The following CPNE8 variants were observed in gnomAD, a reference collection of about 807,000 sequenced individuals.
CPNE8 encodes copine 8, also known as copine-8.
In CPNE8, 45 loss-of-function variants were observed where a neutral mutation model predicts 81.5. The observed-to-expected ratio is 0.55, with a 90% CI of 0.44 to 0.71. The LOEUF is 0.71. Ranked by LOEUF, CPNE8 falls within the 30% of genes least tolerant of loss-of-function variation. The probability of loss-of-function intolerance (pLI) is 0.00; values close to 1 mark genes in which losing one functional copy is unlikely to be tolerated. For synonymous variants in CPNE8, 252 were observed against 226.3 expected (o/e 1.11, Z -1.02); for missense variants, 594 against 672.1 (o/e 0.88, Z 1.28).
At chr12:38,797,796 T>C (rs1254531007) in intron 6 of CPNE8, among the ~76,000 whole-genome samples, 2 of 151,926 alleles carry the variant, frequency 1.3e-5, no homozygotes, top group Non-Finnish European at 2.9e-5. Context: ...AGTTAAAAAC[T>C]TTGAAAAAAA....
chr12:38,657,981 C>T (rs2730946), intron 19 of CPNE8, among the ~76,000 whole-genome samples: 14,819 of 152,074 alleles, frequency 0.097, 909 homozygotes, highest in East Asian at 0.24. Flanking sequence ...AAAACCAGAG[C>T]GCCACTTCTC....
At chr12:38,876,091 T>C (rs1944062084) in intron 1 of CPNE8, among the ~76,000 whole-genome samples, 1 of 152,188 alleles carries the variant, frequency 6.6e-6, no homozygotes, top group South Asian at 2.1e-4. Context: ...TCAAAAACTA[T>C]GCTATGTACG....
chr12:38,772,946 T>C (rs11503905), intron 7 of CPNE8, among the ~76,000 whole-genome samples: 25 of 132,720 alleles, frequency 1.9e-4, no homozygotes, highest in East Asian at 1.3e-3. Context: ...CACACACACA[T>C]ATATATGTAA....
chr12:38,682,611 A>G (rs188136986), intron 16 of CPNE8, among the ~76,000 whole-genome samples: 21 of 152,342 alleles, frequency 1.4e-4, no homozygotes, highest in Non-Finnish European at 2.9e-4. Flanking sequence ...ATATCTCAGT[A>G]TATCCAAAGT....
At chr12:38,749,449 C>T (rs1941306129) in intron 10 of CPNE8, among the ~76,000 whole-genome samples, 1 of 152,102 alleles carries the variant, frequency 6.6e-6, no homozygotes, top group African/African-American at 2.4e-5. Flanking sequence ...GGGTGACAGG[C>T]AGAGGCTGGA....
intron 1 of CPNE8, among the ~76,000 whole-genome samples, chr12:38,881,024 C>A (rs1284182336): frequency 2.0e-5 from 3 of 151,844 alleles, no homozygotes; most frequent in Non-Finnish European, 4.4e-5. Flanking sequence ...TCCTAGCTAA[C>A]ACGGTGAAAC....
chr12:38,668,674 C>G (rs994885487), intron 19 of CPNE8, among the ~76,000 whole-genome samples: 1 of 152,056 alleles, frequency 6.6e-6, no homozygotes, highest in African/African-American at 2.4e-5. Flanking sequence ...TTCTAGAGAG[C>G]TTTTAAATAA....
At chr12:38,795,931 G>T (rs894246508) in intron 6 of CPNE8, among the ~76,000 whole-genome samples, 2 of 142,954 alleles carry the variant, frequency 1.4e-5, no homozygotes, top group African/African-American at 5.1e-5. Flanking sequence ...ACCAGTTGAG[G>T]TTATTCTGAG....
chr12:38,700,660 T>C (rs1167716656), intron 14 of CPNE8, among the ~76,000 whole-genome samples: 1 of 152,148 alleles, frequency 6.6e-6, no homozygotes, highest in Admixed American at 6.5e-5. Flanking sequence ...AGGGTGTTGA[T>C]AATGGTTTGG....
intron 6 of CPNE8, among the ~76,000 whole-genome samples, chr12:38,792,776 C>T (rs559093331): frequency 1.3e-5 from 2 of 151,668 alleles, no homozygotes; most frequent in African/African-American, 4.8e-5. Context: ...AAACACTATA[C>T]AAAGAAGAGA....
At position 38,748,428 on chromosome 12, in the gene CPNE8, T is replaced by G. The variant is rs144990631; in HGVS notation, c.722+12419A>C. 1.0e-3 allele frequency among the ~76,000 whole-genome samples: 157 copies of G among 152,340 alleles called. 1 individual carries two copies. The highest frequency in any genetic ancestry group is 3.5e-3 in the African/African-American group (145 of 41,572). On this transcript the variant is annotated intron_variant, in intron 10 of 19. Coordinates refer to ENST00000331366, the MANE Select transcript of CPNE8 (RefSeq NM_153634.3). ...TTGAACATTTTTACCACAAGCCTTT[T>G]TCAGTTTTCCAATATTACCTTAGAA...
intron 5 of CPNE8, among the ~76,000 whole-genome samples, chr12:38,833,737 C>G (rs1460165369): frequency 6.6e-6 from 1 of 152,052 alleles, no homozygotes; most frequent in Non-Finnish European, 1.5e-5. Context: ...CTTGTCCTCC[C>G]AAAGTGCTGG....
At chr12:38,854,287 A>G (rs1388687788) in intron 3 of CPNE8, among the ~76,000 whole-genome samples, 1 of 151,808 alleles carries the variant, frequency 6.6e-6, no homozygotes, top group Non-Finnish European at 1.5e-5. Flanking sequence ...CAGAGACTCC[A>G]CAGCCCTCTT....
chr12:38,717,027 A>G (rs973424267), intron 13 of CPNE8, among the ~76,000 whole-genome samples: 11 of 152,278 alleles, frequency 7.2e-5, no homozygotes, highest in Middle Eastern at 3.4e-3. Context: ...GCCAACAAAC[A>G]TATGAAAAAA....
At chr12:38,697,516 C>G (rs1358893863) in intron 14 of CPNE8, among the ~76,000 whole-genome samples, 1 of 152,040 alleles carries the variant, frequency 6.6e-6, no homozygotes, top group Non-Finnish European at 1.5e-5. Context: ...GAGTATATAT[C>G]TAGGAATGAA....
Position 38,767,727 on chromosome 12 carries a change from C to T in CPNE8, c.483G>A (p.Leu161=). ...EELNCCRDAV[L]MQFCANKLDK... is the part of the protein sequence containing the mutation. ...CCAATTTGTTCGCACAAAATTGCAT[C>T]AAAACGGCATCCTAAAAACAAAATT... is the stretch of plus-strand genomic sequence containing the variant. The change falls in exon 8 of 20, where the codon TTG becomes TTA. Residue 161 remains leucine (L), a synonymous_variant. Transcript: ENST00000331366. The T allele has an allele frequency of 6.5e-7, 1 of 1,547,514 alleles. No homozygotes were observed. The highest frequency in any genetic ancestry group is 8.7e-7 in the Non-Finnish European group (1 of 1,151,792).
intron 6 of CPNE8, among the ~76,000 whole-genome samples, chr12:38,794,433 TTAA>T: frequency 6.6e-6 from 1 of 151,408 alleles, no homozygotes. Flanking sequence ...CAATAGAGAG[TTAA>T]TAATAAATAA....
chr12:38,761,169 C>A (rs1941564052), intron 9 of CPNE8, among the ~76,000 whole-genome samples: 1 of 152,112 alleles, frequency 6.6e-6, no homozygotes, highest in South Asian at 2.1e-4. Flanking sequence ...TGGTATGCAC[C>A]CACTTCTCCG....
chr12:38,682,079 G>A (rs952555286), intron 16 of CPNE8, among the ~76,000 whole-genome samples: 1 of 152,090 alleles, frequency 6.6e-6, no homozygotes, highest in Admixed American at 6.6e-5. Context: ...AATTAGCCAG[G>A]TGTGGTGGCA....
Sources: gnomAD v4.1 joint callset for allele counts (sites outside exome capture counted in the v4.1 genomes callset) on GRCh38, gnomAD v4.1.1 for gene constraint, MANE v1.5 for transcripts, NCBI Gene and HGNC (gene_info 2026-07-23, HGNC 2026-07-21) for gene names.